ATG9A: variants seen among roughly 807,000 people sequenced by gnomAD.
The protein encoded by ATG9A is autophagy-related protein 9A.
A neutral mutation model predicts 87.1 loss-of-function variants in ATG9A; 21 were observed. The observed-to-expected ratio is 0.24, with a 90% CI of 0.17 to 0.35. The LOEUF (loss-of-function observed/expected upper bound fraction) is 0.35. ATG9A is among the 10% of genes least tolerant of loss of function. The pLI, the probability that ATG9A is intolerant of heterozygous loss-of-function variation, is 1.00. For missense variants in ATG9A, 836 were observed against 1,107.3 expected (o/e 0.76, Z 3.48); for synonymous variants, 422 against 441.3 (o/e 0.96, Z 0.55).
intron 5 of ATG9A, 26 bp downstream of exon 5, chr2:219,226,843 C>T: frequency 6.3e-7 from 1 of 1,594,176 alleles, no homozygotes; most frequent in African/African-American, 1.3e-5. Flanking sequence ...TCTTTCACCA[C>T]ATCATCTGTC....
chr2:219,228,773 C>G (rs1183043174), intron 1 of ATG9A: 2 of 152,236 alleles, frequency 1.3e-5, no homozygotes, highest in African/African-American at 4.8e-5. Flanking sequence ...TCTCCATTGC[C>G]CTACCTTAGC....
rs2106438170 is a variant in ATG9A at position 219,222,289 on chromosome 2, G to A, written c.2010C>T (p.Ser670=). The change falls in exon 12 of 16, where the codon AGC becomes AGT. Residue 670 remains serine (S), a synonymous_variant. Transcript: ENST00000361242. The surrounding 1 kb of genome is among the most constrained non-coding windows in gnomAD (Gnocchi z 4.3). ...PGQAPTGRAH[S]TMTGSGVDAR... ...TTACTCACCCAGAGCCTGTCATGGT[G>A]CTGTGAGCCCGGCCTGTGGGCGCCT... 6.2e-7 allele frequency: 1 copy of A among 1,613,464 alleles called. No individual in the cohort carries two copies. The highest frequency in any genetic ancestry group is 8.5e-7 in the Non-Finnish European group (1 of 1,180,032).
chr2:219,224,240 G>C lies in ATG9A; in HGVS notation c.1131C>G (p.Ala377=), dbSNP rs749503489. ...AGCCAGCGAAGAAGGCTCCATTCTT[G>C]GCCAGCAGTGTCAAAAGAGGTGACA... ...CFLSPLLTLL[A]KNGAFFAGSI... is the part of the protein sequence containing the mutation. The change falls in exon 8 of 16, where the codon GCC becomes GCG. Residue 377 remains alanine (A), a synonymous_variant. Transcript: ENST00000361242. The surrounding 1 kb of genome is among the most constrained non-coding windows in gnomAD (Gnocchi z 7.7). The C allele has an allele frequency of 2.9e-5, 47 of 1,613,776 alleles. No homozygotes were observed. Among genetic ancestry groups the C allele is most frequent in the Non-Finnish European group, 3.8e-5 (45 of 1,180,052 alleles).
rs1033218557 is a variant in ATG9A at position 219,223,387 on chromosome 2, C to A, written c.1599+198G>T. Among the ~76,000 whole-genome samples the A allele has an allele frequency of 2.0e-5, 3 of 152,016 alleles. No homozygotes were observed. Among genetic ancestry groups the A allele is most frequent in the African/African-American group, 7.3e-5 (3 of 41,378 alleles). Reference sequence around the variant, plus strand: ...ACAGACGTGAGCCACCGCGCCTGGCCGTGTTGTGCCTTTCTTAAGGGAGCT... The same window carrying A: ...ACAGACGTGAGCCACCGCGCCTGGCAGTGTTGTGCCTTTCTTAAGGGAGCT... On this transcript the variant is annotated intron_variant, in intron 10 of 15. Coordinates refer to ENST00000361242, the MANE Select transcript of ATG9A (RefSeq NM_001077198.3). The surrounding 1 kb of genome is among the most constrained non-coding windows in gnomAD (Gnocchi z 4.7).
intron 4 of ATG9A, among the ~76,000 whole-genome samples, chr2:219,227,536 C>T (rs1408003617): frequency 6.6e-6 from 1 of 152,036 alleles, no homozygotes; most frequent in African/African-American, 2.4e-5. Flanking sequence ...GGAGGCTCAC[C>T]CTTAGAAAGG....
chr2:219,221,120 G>T lies in ATG9A; in HGVS notation c.2328C>A (p.Ala776=). The T allele has an allele frequency of 1.2e-6, 2 of 1,612,902 alleles. No individual in the cohort carries two copies. Among genetic ancestry groups the T allele is most frequent in the Non-Finnish European group, 1.7e-6 (2 of 1,179,528 alleles). ...APRPGAPETT[A]LHGGFQRRYG... is the part of the protein sequence containing the mutation. The stretch of plus-strand genomic sequence containing the variant: ...AGCGCCTCTGGAAGCCCCCATGCAG[G>T]GCAGTGGTCTCAGGAGCTCCAGGCC... Residue 776 remains alanine, a synonymous_variant, in exon 14 of 16, where the codon GCC becomes GCA. Transcript: ENST00000361242.
At position 219,223,763 on chromosome 2, in the gene ATG9A, A is replaced by C; in HGVS notation, c.1421T>G (p.Val474Gly). 1 of 1,612,908 alleles carries C rather than the reference A, an allele frequency of 6.2e-7. No individual in the cohort carries two copies. The highest frequency in any genetic ancestry group is 8.5e-7 in the Non-Finnish European group (1 of 1,179,372). The change falls in exon 10 of 16, where the codon GTG (valine) becomes GGG (glycine). Residue 474 changes from valine to glycine, a missense_variant and splice_region_variant. This residue lies in a region of ATG9A where 512 missense variants were observed against 759.6 expected (regional missense o/e 0.67). Transcript: ENST00000361242. The surrounding 1 kb of genome is among the most constrained non-coding windows in gnomAD (Gnocchi z 4.7). ...GCTCAGCAACTCTTCCAAAATGAAC[A>C]CCTAAAAGGGCGGGACCAAGGTCAC... is the stretch of plus-strand genomic sequence containing the variant. ...EFAQLFQYKA[V>G]FILEELLSPI... is the part of the protein sequence containing the mutation.
chr2:219,220,195 C>A lies in ATG9A; in HGVS notation c.*252G>T. ...TGGGCTGGGGGCCAGTTTCTAGCACCACACTCTGAGCCAAGGGGGTCCTGG... is the reference window on the plus strand; with the variant it reads ...TGGGCTGGGGGCCAGTTTCTAGCACAACACTCTGAGCCAAGGGGGTCCTGG... On this transcript the variant is annotated 3_prime_UTR_variant, in exon 16 of 16. Coordinates refer to ENST00000361242, the MANE Select transcript of ATG9A (RefSeq NM_001077198.3). 1 of 522,052 alleles carries A rather than the reference C, an allele frequency of 1.9e-6. No individual in the cohort carries two copies. Among genetic ancestry groups the A allele is most frequent in the Admixed American group, 3.1e-5 (1 of 31,884 alleles). 32.3% of individuals were successfully genotyped at this position (522,052 alleles called of 1,614,324 possible). A position where few individuals can be genotyped will look rare whatever the true frequency, so the allele number is the denominator to read the frequency against.
Position 219,221,117 on chromosome 2 carries a change from C to T in ATG9A, c.2331G>A (p.Leu777=), listed in dbSNP as rs763429801. The T allele has an allele frequency of 1.9e-6, 3 of 1,612,728 alleles. No individual in the cohort carries two copies. Among genetic ancestry groups the T allele is most frequent in the Non-Finnish European group, 2.5e-6 (3 of 1,179,452 alleles). The change falls in exon 14 of 16, where the codon CTG becomes CTA. Residue 777 remains leucine (L), a synonymous_variant. Coordinates refer to ENST00000361242, the MANE Select transcript of ATG9A (RefSeq NM_001077198.3). ...PRPGAPETTA[L]HGGFQRRYGG... ...CGTAGCGCCTCTGGAAGCCCCCATG[C>T]AGGGCAGTGGTCTCAGGAGCTCCAG...
intron 5 of ATG9A, among the ~76,000 whole-genome samples, chr2:219,226,169 G>A (rs1256331202): frequency 2.0e-5 from 3 of 151,922 alleles, no homozygotes; most frequent in Admixed American, 1.3e-4. Flanking sequence ...GGAGTGCAGC[G>A]GCACAATCTC....
At chr2:219,221,338 C>CG in intron 13 of ATG9A, 36 bp from the exon 14 acceptor site, 2 of 1,501,148 alleles carry the variant, frequency 1.3e-6, no homozygotes, top group Non-Finnish European at 1.8e-6. Flanking sequence ...GGGGGACAGA[C>CG]GGATGTCCAT....
At position 219,222,837 on chromosome 2, in the gene ATG9A, C is replaced by T. The variant is rs757341182; in HGVS notation, c.1656G>A (p.Lys552=). ...ASVYQQAEDG[K]TELSLMHFAI... ...CAAAGTGCATGAGTGACAACTCTGT[C>T]TTTCCATCCTCAGCTTGCTGGTACA... The change falls in exon 11 of 16, where the codon AAG becomes AAA. Residue 552 remains lysine, a synonymous_variant. Coordinates refer to ENST00000361242, the MANE Select transcript of ATG9A (RefSeq NM_001077198.3). The surrounding 1 kb of genome is among the most constrained non-coding windows in gnomAD (Gnocchi z 4.3). 1.9e-6 allele frequency: 3 copies of T among 1,614,202 alleles called. No homozygotes were observed. In the South Asian group the frequency reaches 3.3e-5, roughly 18 times the overall value.
chr2:219,222,367 G>A lies in ATG9A; in HGVS notation c.1932C>T (p.His644=). The A allele has an allele frequency of 6.2e-7, 1 of 1,612,050 alleles. No homozygotes were observed. ...PLPRDLQGSR[H]RAEVASALRS... The stretch of plus-strand genomic sequence containing the variant: ...GCAGGGCAGAGGCGACTTCAGCCCT[G>A]TGCCTGGAGCCCTGCAGGTCTCTGG... Residue 644 remains histidine (H), a synonymous_variant, in exon 12 of 16, where the codon CAC becomes CAT. Transcript: ENST00000361242. The surrounding 1 kb of genome is among the most constrained non-coding windows in gnomAD (Gnocchi z 4.3).
Position 219,227,910 on chromosome 2 carries a change from C to G in ATG9A, c.103+12G>C, listed in dbSNP as rs775828063. On this transcript the variant is annotated intron_variant, in intron 3 of 15. Coordinates refer to ENST00000361242, the MANE Select transcript of ATG9A (RefSeq NM_001077198.3). ...TCAACTCTCCCTATGGCTGTCATAT[C>G]CAAGAACTCACACTTGCTCCCCTCG... 1.9e-6 allele frequency: 3 copies of G among 1,613,822 alleles called. No individual in the cohort carries two copies. The South Asian group carries it at 3.3e-5, about 18-fold the overall frequency.
chr2:219,221,383 G>T, intron 13 of ATG9A, 81 bp from the exon 14 acceptor site: 2 of 1,333,300 alleles, frequency 1.5e-6, no homozygotes, highest in Middle Eastern at 2.5e-4. Context: ...GTATCAGTCA[G>T]TTCCCGCTTT....
chr2:219,229,555 TG>T lies in ATG9A; in HGVS notation c.-103del, dbSNP rs1279045475. ...CTTACCTCAGGAACAGCGACCCGGG[TG>T]ATTCCAGAGGCTCCGCCGGCTCCGC... On this transcript the variant is annotated 5_prime_UTR_variant, in exon 1 of 16. Transcript: ENST00000361242. The surrounding 1 kb of genome is among the most constrained non-coding windows in gnomAD (Gnocchi z 4.2). The T allele has an allele frequency of 6.6e-6, 1 of 152,590 alleles. No individual in the cohort carries two copies. The highest frequency in any genetic ancestry group is 2.4e-5 in the African/African-American group (1 of 41,496). The allele number at this position is 152,590 out of a possible 1,614,324, so 9.5% of individuals were successfully genotyped here. A position where few individuals can be genotyped will look rare whatever the true frequency, so the allele number is the denominator to read the frequency against.
Position 219,223,221 on chromosome 2 carries a change from G to A in ATG9A, c.1600-328C>T, listed in dbSNP as rs945887490. Reference sequence around the variant, plus strand: ...TCCTGCCTCAGCCTCCCGAGTAGCTGGGACTACAGGCGCCCGCTACCACGC... The same window carrying A: ...TCCTGCCTCAGCCTCCCGAGTAGCTAGGACTACAGGCGCCCGCTACCACGC... On this transcript the variant is annotated intron_variant, in intron 10 of 15. Coordinates refer to ENST00000361242, the MANE Select transcript of ATG9A (RefSeq NM_001077198.3). The surrounding 1 kb of genome is among the most constrained non-coding windows in gnomAD (Gnocchi z 4.7). 2.0e-5 allele frequency among the ~76,000 whole-genome samples: 3 copies of A among 151,918 alleles called. No homozygotes were observed. Among genetic ancestry groups the A allele is most frequent in the Non-Finnish European group, 4.4e-5 (3 of 67,998 alleles).
In ATG9A at chr2:219,225,432, G is replaced by A. The variant is rs773017043; in HGVS notation, c.353C>T (p.Pro118Leu). 6.2e-7 allele frequency: 1 copy of A among 1,614,156 alleles called. No individual in the cohort carries two copies. Among genetic ancestry groups the A allele is most frequent in the East Asian group, 2.2e-5 (1 of 44,882 alleles). ...TTACCTGGCACTACAGACTTGAGCA[G>A]GCAAAAAGGCGTCTGGCAGAGTGAC... ...VKVTLPDAFLPAQVCSARIQE... is the reference protein window; with the variant it reads ...VKVTLPDAFLLAQVCSARIQE... Residue 118 changes from proline to leucine, a missense_variant, in exon 6 of 16, where the codon CCT (proline) becomes CTT (leucine). This residue lies in a region of ATG9A where 512 missense variants were observed against 759.6 expected (regional missense o/e 0.67). Coordinates refer to ENST00000361242, the MANE Select transcript of ATG9A (RefSeq NM_001077198.3).
chr2:219,220,740 C>T lies in ATG9A; in HGVS notation c.2514+7G>A. 1 of 1,612,290 alleles carries T rather than the reference C, an allele frequency of 6.2e-7. No individual in the cohort carries two copies. The highest frequency in any genetic ancestry group is 8.5e-7 in the Non-Finnish European group (1 of 1,179,226). On this transcript the variant is annotated splice_region_variant and intron_variant, in intron 15 of 15. Coordinates refer to ENST00000361242, the MANE Select transcript of ATG9A (RefSeq NM_001077198.3). Reference sequence around the variant, plus strand: ...TGGCAGTTTTTCCTAGGCCCCGGGGCCCTTACCTTGTGCACCTGAGGGGGT... The same window carrying T: ...TGGCAGTTTTTCCTAGGCCCCGGGGTCCTTACCTTGTGCACCTGAGGGGGT...
Sources: gnomAD v4.1 joint callset for allele counts (sites outside exome capture counted in the v4.1 genomes callset) on GRCh38, gnomAD v4.1.1 for gene constraint, gnomAD v4.1.1 regional missense constraint, Gnocchi (gnomAD v3.1) non-coding constraint, MANE v1.5 for transcripts, NCBI Gene and HGNC (gene_info 2026-07-23, HGNC 2026-07-21) for gene names.